RALGDS: variants seen among roughly 807,000 people sequenced by gnomAD.
RALGDS encodes ral guanine nucleotide exchange factor.
In RALGDS, 44 loss-of-function variants were observed where a neutral mutation model predicts 99.8. The observed-to-expected ratio is 0.44, with a 90% confidence interval of 0.35 to 0.57. RALGDS has a LOEUF of 0.57. RALGDS is among the 20% of genes least tolerant of loss of function. RALGDS has a pLI of 0.01. For synonymous variants in RALGDS, 529 were observed against 505.0 expected, an observed-to-expected ratio of 1.05 and a Z score of -0.64; for missense variants, 1,022 against 1,203.1, an observed-to-expected ratio of 0.85 and a Z score of 2.23.
chr9:133,147,829 G>T (rs969265791), intron 1 of RALGDS, among the ~76,000 whole-genome samples: 1 of 152,162 alleles, frequency 6.6e-6, no homozygotes, highest in Admixed American at 6.5e-5. Context: ...CAGGCTCCAG[G>T]GGTAATTCAA....
upstream of RALGDS, among the ~76,000 whole-genome samples, chr9:133,126,236 C>T (rs780345058): frequency 6.6e-5 from 10 of 151,110 alleles, no homozygotes; most frequent in South Asian, 6.3e-4. Context: ...CCCCCCGGGA[C>T]GTGCACCTGC....
chr9:133,121,262 G>A (rs1200334642), upstream of RALGDS: 2 of 985,364 alleles, frequency 2.0e-6, no homozygotes, highest in Non-Finnish European at 2.4e-6. Context: ...GCCCGGCCCT[G>A]CTGATGTCAG....
intron 4 of RALGDS, among the ~76,000 whole-genome samples, chr9:133,109,187 G>A (rs1226290199): frequency 6.6e-6 from 1 of 152,224 alleles, no homozygotes; most frequent in African/African-American, 2.4e-5. Context: ...CTGGTGAGCT[G>A]CCTTACTCTC....
intron 9 of RALGDS, 33 bp from the exon 10 acceptor site, chr9:133,104,364 C>CT: frequency 6.3e-7 from 1 of 1,579,050 alleles, no homozygotes; most frequent in Non-Finnish European, 8.7e-7. Context: ...CAGCAAGGCC[C>CT]TATCCCCTCA....
chr9:133,106,412 T>C (rs1178128330), intron 8 of RALGDS, among the ~76,000 whole-genome samples: 8 of 152,104 alleles, frequency 5.3e-5, no homozygotes, highest in Admixed American at 3.9e-4. Context: ...TTGATTTCAA[T>C]TGGATGAGGG....
chr9:133,115,340 G>T (rs1458335914), intron 1 of RALGDS, among the ~76,000 whole-genome samples: 1 of 152,192 alleles, frequency 6.6e-6, no homozygotes, highest in Non-Finnish European at 1.5e-5. Context: ...GAGGGCTCTA[G>T]CCTGCACCTC....
chr9:133,111,476 T>G (rs1361253427), intron 2 of RALGDS, among the ~76,000 whole-genome samples: 1 of 152,206 alleles, frequency 6.6e-6, no homozygotes, highest in Non-Finnish European at 1.5e-5. Flanking sequence ...AGATGGGGTT[T>G]CACCATGTGG....
At chr9:133,141,713 C>G (rs1319612131) in intron 1 of RALGDS, among the ~76,000 whole-genome samples, 1 of 152,228 alleles carries the variant, frequency 6.6e-6, no homozygotes, top group African/African-American at 2.4e-5. Flanking sequence ...TGCCCCAAGG[C>G]CCCAGTAGGT....
chr9:133,122,253 C>T (rs138357735), upstream of RALGDS, among the ~76,000 whole-genome samples: 2 of 152,214 alleles, frequency 1.3e-5, no homozygotes, highest in African/African-American at 4.8e-5. Context: ...GGCTTAACAG[C>T]AGGGCCAGGA....
chr9:133,123,403 G>C (rs1020354806), upstream of RALGDS, among the ~76,000 whole-genome samples: 9 of 152,202 alleles, frequency 5.9e-5, no homozygotes, highest in African/African-American at 1.7e-4. Context: ...TGGCCTTGAA[G>C]GTCCTGGGTG....
At chr9:133,127,865 C>T (rs910410066) in intron 1 of RALGDS, among the ~76,000 whole-genome samples, 102 of 152,326 alleles carry the variant, frequency 6.7e-4, no homozygotes, top group African/African-American at 2.3e-3. Context: ...TCTGACCTCA[C>T]GGGGCGCTGC....
At position 133,144,846 on chromosome 9, in the gene RALGDS, G is replaced by A. The variant is rs74831114; in HGVS notation, c.18+4117C>T. On this transcript the variant is annotated intron_variant, in intron 1 of 17. Transcript: ENST00000393160. This position sits in a 1 kb window ranked among gnomAD's most constrained non-coding sequence, Gnocchi z 4.5. ...GTACCCGTGAATGAGATCTTATTTG[G>A]AAATAGGGTCTGTGCGGATAGAATC... is the stretch of plus-strand genomic sequence containing the variant. Among the ~76,000 whole-genome samples, 81 of 152,360 alleles carry A rather than the reference G, an allele frequency of 5.3e-4. No individual in the cohort carries two copies. Among genetic ancestry groups the A allele is most frequent in the African/African-American group, 1.8e-3 (76 of 41,596 alleles).
chr9:133,102,607 G>T (rs1215718935), intron 13 of RALGDS, 36 bp from the exon 14 acceptor site: 5 of 1,609,266 alleles, frequency 3.1e-6, no homozygotes, highest in South Asian at 2.2e-5. Context: ...ACAACCAGGG[G>T]CCATGCTCCG....
At chr9:133,114,545 G>A (rs1458043234) in intron 1 of RALGDS, among the ~76,000 whole-genome samples, 2 of 152,206 alleles carry the variant, frequency 1.3e-5, no homozygotes, top group African/African-American at 4.8e-5. Flanking sequence ...GCACCCACAG[G>A]CCACCCTAGG....
chr9:133,104,138 T>C (rs1293077975), intron 10 of RALGDS, 125 bp downstream of exon 10: 1 of 1,023,454 alleles, frequency 9.8e-7, no homozygotes, highest in African/African-American at 1.6e-5. Flanking sequence ...CAGGTGTGGC[T>C]CTGCTAGGGT....
At chr9:133,149,112 C>G in exon 1 of RALGDS, 2 of 447,852 alleles carry the variant, frequency 4.5e-6, no homozygotes, top group Middle Eastern at 8.7e-4. Flanking sequence ...CGGTCCCCGC[C>G]GGGCCCAGGA....
upstream of RALGDS, among the ~76,000 whole-genome samples, chr9:133,125,604 C>T (rs533603913): frequency 1.3e-5 from 2 of 152,180 alleles, no homozygotes; most frequent in South Asian, 2.1e-4. Flanking sequence ...GGCATGGTGA[C>T]GCGTGCCTGT....
intron 1 of RALGDS, among the ~76,000 whole-genome samples, chr9:133,142,057 A>G (rs1832532352): frequency 6.6e-6 from 1 of 152,186 alleles, no homozygotes. Context: ...GTTTTCTGAC[A>G]TTCTGCCACT....
chr9:133,118,219 A>G (rs1168790629), intron 1 of RALGDS, among the ~76,000 whole-genome samples: 3 of 152,236 alleles, frequency 2.0e-5, no homozygotes, highest in Non-Finnish European at 4.4e-5. Flanking sequence ...GCAGGGACAC[A>G]CACCCACACA....
Sources: allele counts gnomAD v4.1 joint callset (sites outside exome capture counted in the v4.1 genomes callset), GRCh38; gene constraint gnomAD v4.1.1; non-coding constraint Gnocchi (gnomAD v3.1); transcripts MANE v1.5; gene names NCBI Gene and HGNC (gene_info 2026-07-23, HGNC 2026-07-21).